STPG2: variants seen among roughly 807,000 people sequenced by gnomAD.
STPG2 encodes the protein sperm-tail PG-rich repeat-containing protein 2.
A neutral mutation model predicts 54.2 loss-of-function variants in STPG2; 56 were observed. That is an observed-to-expected ratio of 1.03 (90% confidence interval 0.83 to 1.29). The LOEUF (loss-of-function observed/expected upper bound fraction) is 1.29, where lower values mean the gene tolerates loss of function less well. STPG2 is among the 50% of genes most tolerant of loss of function. The pLI, the probability that STPG2 is intolerant of heterozygous loss-of-function variation, is 0.00. For synonymous variants in STPG2, 200 were observed against 181.8 expected (o/e 1.10, Z -0.81); for missense variants, 596 against 544.9 (o/e 1.09, Z -0.93).
chr4:98,017,705 G>A (rs1298361806), intron 5 of STPG2, among the ~76,000 whole-genome samples: 2 of 152,184 alleles, frequency 1.3e-5, no homozygotes, highest in African/African-American at 2.4e-5. Flanking sequence ...GTTTGGCTCT[G>A]TCCCTACCCA....
At chr4:97,621,459 C>A (rs1734008646) in intron 10 of STPG2, among the ~76,000 whole-genome samples, 1 of 152,000 alleles carries the variant, frequency 6.6e-6, no homozygotes, top group Non-Finnish European at 1.5e-5. Context: ...TTATCACTGA[C>A]CCCACAGACA....
intron 8 of STPG2, among the ~76,000 whole-genome samples, chr4:97,883,580 G>A (rs920674915): frequency 6.6e-6 from 1 of 151,866 alleles, no homozygotes; most frequent in African/African-American, 2.4e-5. Flanking sequence ...AACAAAACAA[G>A]TGTTAGAAAT....
At chr4:97,801,419 A>G (rs1727392433) in intron 9 of STPG2, among the ~76,000 whole-genome samples, 1 of 152,030 alleles carries the variant, frequency 6.6e-6, no homozygotes, top group Admixed American at 6.6e-5. Flanking sequence ...ACATCCCTTC[A>G]TCAACCCTAA....
chr4:97,444,861 C>A (rs1175248033), intron 4 of STPG2, among the ~76,000 whole-genome samples: 1 of 152,088 alleles, frequency 6.6e-6, no homozygotes, highest in Non-Finnish European at 1.5e-5. Flanking sequence ...AACCCCGTCT[C>A]TACTAAAAAT....
chr4:97,516,513 A>G (rs546165689), intron 4 of STPG2, among the ~76,000 whole-genome samples: 1 of 152,166 alleles, frequency 6.6e-6, no homozygotes, highest in South Asian at 2.1e-4. Context: ...TGCGACACTT[A>G]TAAGAAATTA....
At chr4:98,010,276 T>A (rs1735704356) in intron 5 of STPG2, among the ~76,000 whole-genome samples, 1 of 152,122 alleles carries the variant, frequency 6.6e-6, no homozygotes, top group South Asian at 2.1e-4. Flanking sequence ...ATCCCATAGA[T>A]TTTAGTATGC....
intron 4 of STPG2, among the ~76,000 whole-genome samples, chr4:97,538,953 G>A (rs189238968): frequency 6.6e-6 from 1 of 152,126 alleles, no homozygotes; most frequent in Non-Finnish European, 1.5e-5. Context: ...AGCTTCATAA[G>A]TGGAGGAGAA....
rs909784195 is a variant in STPG2, at chr4:97,725,098, G to A, written c.1205-12284C>T. ...CTATGCTTAATACTTGCTATTACGA[G>A]AAAAGAGCATGTGCAAATGAGGATG... On this transcript the variant is annotated intron_variant, in intron 9 of 10. Transcript: ENST00000295268. 2.6e-5 allele frequency among the ~76,000 whole-genome samples: 4 copies of A among 152,182 alleles called. No homozygotes were observed. The South Asian group carries it at 8.3e-4, about 32-fold the overall frequency.
intron 5 of STPG2, among the ~76,000 whole-genome samples, chr4:98,034,329 G>A (rs1467976317): frequency 1.3e-5 from 2 of 152,064 alleles, no homozygotes; most frequent in Non-Finnish European, 2.9e-5. Flanking sequence ...GCCAAATCAG[G>A]AGTGAACTCC....
At chr4:98,092,812 C>T (rs906992266) in intron 5 of STPG2, among the ~76,000 whole-genome samples, 2 of 151,882 alleles carry the variant, frequency 1.3e-5, no homozygotes, top group African/African-American at 4.8e-5. Context: ...ATAGAAATAA[C>T]TTAGTTTGCA....
intron 10 of STPG2, among the ~76,000 whole-genome samples, chr4:97,605,887 C>T (rs1397042760): frequency 6.6e-6 from 1 of 151,512 alleles, no homozygotes; most frequent in African/African-American, 2.4e-5. Flanking sequence ...CATCTCAAAA[C>T]GTTCCACAAA....
chr4:97,491,156 T>A (rs1730496143), intron 4 of STPG2, among the ~76,000 whole-genome samples: 1 of 151,438 alleles, frequency 6.6e-6, no homozygotes, highest in South Asian at 2.1e-4. Flanking sequence ...TTAAAGTTAC[T>A]CCAAATCCAT....
intron 9 of STPG2, among the ~76,000 whole-genome samples, chr4:97,820,300 T>G (rs962186769): frequency 6.6e-6 from 1 of 152,066 alleles, no homozygotes; most frequent in African/African-American, 2.4e-5. Flanking sequence ...CCCTCCAGCC[T>G]CTCTATTCCA....
intron 4 of STPG2, among the ~76,000 whole-genome samples, chr4:97,539,565 G>C (rs571549474): frequency 6.6e-6 from 1 of 152,238 alleles, no homozygotes; most frequent in African/African-American, 2.4e-5. Flanking sequence ...AACCTACAAA[G>C]AGACTTAGAC....
intron 4 of STPG2, among the ~76,000 whole-genome samples, chr4:97,497,344 CA>C (rs1164055020): frequency 6.6e-6 from 1 of 151,732 alleles, no homozygotes; most frequent in Admixed American, 6.6e-5. Flanking sequence ...AATTATTTAA[CA>C]TTATTGATTA....
At chr4:97,958,885 T>C (rs1482266967) in intron 7 of STPG2, among the ~76,000 whole-genome samples, 1 of 152,146 alleles carries the variant, frequency 6.6e-6, no homozygotes, top group African/African-American at 2.4e-5. Context: ...TAACAGATCT[T>C]TACAGAACAT....
chr4:97,908,043 C>A (rs1417097405), intron 8 of STPG2, among the ~76,000 whole-genome samples: 1 of 152,062 alleles, frequency 6.6e-6, no homozygotes, highest in African/African-American at 2.4e-5. Context: ...TAAAGAGCTT[C>A]TGCACAGCAA....
chr4:97,881,926 C>T (rs1238404588), intron 8 of STPG2, among the ~76,000 whole-genome samples: 1 of 152,068 alleles, frequency 6.6e-6, no homozygotes, highest in Non-Finnish European at 1.5e-5. Context: ...GTGTCACTAC[C>T]ATCCTAACAA....
intron 9 of STPG2, among the ~76,000 whole-genome samples, chr4:97,776,906 C>A (rs997015883): frequency 6.6e-6 from 1 of 152,048 alleles, no homozygotes; most frequent in Non-Finnish European, 1.5e-5. Context: ...GCAGTGCATG[C>A]CAAAAATCTA....
Sources: allele counts gnomAD v4.1 joint callset (sites outside exome capture counted in the v4.1 genomes callset), GRCh38; gene constraint gnomAD v4.1.1; transcripts MANE v1.5; gene names NCBI Gene and HGNC (gene_info 2026-07-23, HGNC 2026-07-21).